The following HCN1 variants were observed in gnomAD, a reference collection of about 807,000 sequenced individuals.
HCN1 encodes potassium/sodium hyperpolarization-activated cyclic nucleotide-gated channel 1.
Under a neutral mutation model 78.9 loss-of-function variants are expected in HCN1, and 13 were observed. That is an observed-to-expected ratio of 0.16 (90% CI 0.11 to 0.26). The LOEUF is 0.26. Among genes scored for constraint, HCN1 ranks in the 10% least tolerant of loss-of-function variants. The pLI is 1.00. For missense variants in HCN1, 810 were observed against 1,154.3 expected (o/e 0.70, Z 4.32); for synonymous variants, 552 against 455.5 (o/e 1.21, Z -2.70).
intron 5 of HCN1, among the ~76,000 whole-genome samples, chr5:45,315,666 G>C (rs995361381): frequency 1.3e-5 from 2 of 152,014 alleles, no homozygotes; most frequent in Non-Finnish European, 2.9e-5. Context: ...TAGAGCACTA[G>C]CAAGACTGAT....
intron 3 of HCN1, among the ~76,000 whole-genome samples, chr5:45,451,538 G>A (rs1429960741): frequency 2.0e-5 from 3 of 151,752 alleles, no homozygotes; most frequent in Non-Finnish European, 2.9e-5. Context: ...TAGACTAAAT[G>A]TAATCATAAA....
chr5:45,657,795 C>A (rs935259531), intron 1 of HCN1, among the ~76,000 whole-genome samples: 1 of 152,124 alleles, frequency 6.6e-6, no homozygotes, highest in South Asian at 2.1e-4. Flanking sequence ...GAATCAATAT[C>A]ATGAAAATGG....
At chr5:45,292,974 T>A (rs1398673796) in intron 6 of HCN1, among the ~76,000 whole-genome samples, 2 of 152,052 alleles carry the variant, frequency 1.3e-5, no homozygotes, top group African/African-American at 4.8e-5. Context: ...ATAATTGAAA[T>A]AATTCAATAA....
chr5:45,367,364 C>T (rs894719538), intron 4 of HCN1, among the ~76,000 whole-genome samples: 1 of 151,248 alleles, frequency 6.6e-6, no homozygotes, highest in Non-Finnish European at 1.5e-5. Flanking sequence ...GTATTTTGTA[C>T]ACATACATGT....
At chr5:45,681,412 CT>C (rs1475581719) in intron 1 of HCN1, among the ~76,000 whole-genome samples, 1 of 151,898 alleles carries the variant, frequency 6.6e-6, no homozygotes, top group East Asian at 1.9e-4. Context: ...GTTCTTTTTG[CT>C]TTTGAAAATC....
intron 3 of HCN1, among the ~76,000 whole-genome samples, chr5:45,441,722 A>C (rs1399803376): frequency 6.6e-6 from 1 of 152,226 alleles, no homozygotes; most frequent in Non-Finnish European, 1.5e-5. Context: ...GAAAGCTAGA[A>C]TCTCAGGTTC....
At chr5:45,629,023 CAT>C (rs1202772674) in intron 2 of HCN1, among the ~76,000 whole-genome samples, 1 of 147,254 alleles carries the variant, frequency 6.8e-6, no homozygotes, top group East Asian at 2.0e-4. Flanking sequence ...TATTAAAAAA[CAT>C]ATATTATACA....
At chr5:45,266,768 G>T (rs1455416302) in intron 7 of HCN1, among the ~76,000 whole-genome samples, 8 of 150,992 alleles carry the variant, frequency 5.3e-5, no homozygotes, top group Admixed American at 3.3e-4. Context: ...GAGTGCAGTG[G>T]TACCATCTTG....
intron 4 of HCN1, among the ~76,000 whole-genome samples, chr5:45,389,893 C>G (rs1748004263): frequency 6.6e-6 from 1 of 152,058 alleles, no homozygotes; most frequent in Non-Finnish European, 1.5e-5. Flanking sequence ...TCAGACTTAC[C>G]ATTGCTAAGT....
chr5:45,442,373 T>G (rs1668788912), intron 3 of HCN1, among the ~76,000 whole-genome samples: 1 of 152,098 alleles, frequency 6.6e-6, no homozygotes, highest in Admixed American at 6.5e-5. Flanking sequence ...CATAAGAACA[T>G]ACGAAATTAT....
chr5:45,397,139 A>C (rs1232126533), intron 3 of HCN1, among the ~76,000 whole-genome samples: 1 of 152,186 alleles, frequency 6.6e-6, no homozygotes, highest in Non-Finnish European at 1.5e-5. Flanking sequence ...AAAACCATGA[A>C]GTTCAGATTT....
At chr5:45,507,539 G>GA (rs1267858697) in intron 2 of HCN1, among the ~76,000 whole-genome samples, 3 of 151,882 alleles carry the variant, frequency 2.0e-5, no homozygotes, top group East Asian at 1.9e-4. Flanking sequence ...AACTATGATG[G>GA]AAAAAATAAA....
chr5:45,498,986 A>C (rs188795666), intron 2 of HCN1, among the ~76,000 whole-genome samples: 2 of 152,262 alleles, frequency 1.3e-5, no homozygotes, highest in South Asian at 2.1e-4. Context: ...CTCTTCTTCA[A>C]AGTTGTCAGA....
intron 7 of HCN1, 110 bp from the exon 8 acceptor site, chr5:45,262,920 G>C: frequency 8.5e-7 from 1 of 1,181,002 alleles, no homozygotes; most frequent in Non-Finnish European, 1.2e-6. Flanking sequence ...CACAGGAGAG[G>C]CTTAAAAAGC....
chr5:45,507,114 G>T (rs532349308), intron 2 of HCN1, among the ~76,000 whole-genome samples: 2 of 152,196 alleles, frequency 1.3e-5, no homozygotes, highest in Non-Finnish European at 2.9e-5. Flanking sequence ...ATGTCACAAA[G>T]CTTGTTTTTT....
intron 2 of HCN1, among the ~76,000 whole-genome samples, chr5:45,549,228 GCTAC>G (rs1454535770): frequency 6.7e-6 from 1 of 149,372 alleles, no homozygotes; most frequent in African/African-American, 2.5e-5. Context: ...GAGGCATCAC[GCTAC>G]CTGACTTCAA....
At position 45,258,545 on chromosome 5, in the gene HCN1, A is replaced by G. The variant is rs559678037; in HGVS notation, c.*3376T>C. On this transcript the variant is annotated 3_prime_UTR_variant, in exon 8 of 8. Coordinates refer to ENST00000303230, the MANE Select transcript of HCN1 (RefSeq NM_021072.4). ...TCCTCCTTGTTTTCAGGAATGCTTC[A>G]CTACTTATTCTCATTATGATAAACT... is the stretch of plus-strand genomic sequence containing the variant. 2 of 152,212 alleles carry G rather than the reference A, an allele frequency of 1.3e-5. No individual in the cohort carries two copies. Among genetic ancestry groups the G allele is most frequent in the East Asian group, 1.9e-4 (1 of 5,156 alleles). 9.4% of individuals were successfully genotyped at this position (152,212 alleles called of 1,614,324 possible). A position where few individuals can be genotyped will look rare whatever the true frequency, so the allele number is the denominator to read the frequency against.
chr5:45,474,331 T>C (rs1741470275), intron 2 of HCN1, among the ~76,000 whole-genome samples: 1 of 151,924 alleles, frequency 6.6e-6, no homozygotes, highest in African/African-American at 2.4e-5. Context: ...AGGATAATGC[T>C]AGACTTACTC....
At chr5:45,652,248 A>C (rs1395711242) in intron 1 of HCN1, among the ~76,000 whole-genome samples, 3 of 151,976 alleles carry the variant, frequency 2.0e-5, no homozygotes, top group African/African-American at 7.2e-5. Flanking sequence ...TAAAAATCTT[A>C]TATTGCTTCA....
Sources: gnomAD v4.1 joint callset for allele counts (sites outside exome capture counted in the v4.1 genomes callset) on GRCh38, gnomAD v4.1.1 for gene constraint, MANE v1.5 for transcripts, NCBI Gene and HGNC (gene_info 2026-07-23, HGNC 2026-07-21) for gene names.